GLUD1: variants seen among roughly 807,000 people sequenced by gnomAD.
GLUD1 encodes glutamate dehydrogenase 1, mitochondrial.
A neutral mutation model predicts 56.0 loss-of-function variants in GLUD1; 22 were observed. The ratio of observed to expected loss-of-function variants is 0.39; its 90% CI spans 0.28 to 0.56. GLUD1 has a LOEUF of 0.56. Among genes scored for constraint, GLUD1 ranks in the 20% least tolerant of loss-of-function variants. The pLI, the probability that GLUD1 is intolerant of heterozygous loss-of-function variation, is 0.58. For synonymous variants in GLUD1, 223 were observed against 269.9 expected, an observed-to-expected ratio of 0.83 and a Z score of 1.70; for missense variants, 451 against 732.0, an observed-to-expected ratio of 0.62 and a Z score of 4.43.
intron 5 of GLUD1, chr10:87,067,858 G>C: frequency 1.8e-6 from 1 of 550,830 alleles, no homozygotes; most frequent in Non-Finnish European, 3.3e-6. Flanking sequence ...CCAGTGACAA[G>C]TATAGGGCAG....
intron 1 of GLUD1, among the ~76,000 whole-genome samples, chr10:87,081,538 G>T (rs1459189156): frequency 2.6e-5 from 4 of 152,152 alleles, no homozygotes; most frequent in South Asian, 4.1e-4. Context: ...TGAGAAATCG[G>T]ATGGTTGCCG....
At chr10:87,062,074 G>A (rs1037149490) in intron 6 of GLUD1, among the ~76,000 whole-genome samples, 5 of 152,134 alleles carry the variant, frequency 3.3e-5, no homozygotes, top group Non-Finnish European at 5.9e-5. Context: ...GAGCCACCAC[G>A]CCCGGCTTAA....
At chr10:87,056,115 CA>C (rs201114912) in intron 11 of GLUD1, among the ~76,000 whole-genome samples, 4,282 of 62,476 alleles carry the variant, frequency 0.069, 2 homozygotes, top group African/African-American at 0.22. Context: ...GACTCTGTCT[CA>C]AAAAAAAAAA....
chr10:87,080,155 G>A (rs1241012813), intron 1 of GLUD1, among the ~76,000 whole-genome samples: 1 of 152,006 alleles, frequency 6.6e-6, no homozygotes, highest in Admixed American at 6.5e-5. Context: ...GGCCGGGCTG[G>A]TCTCCAGCTC....
Position 87,057,784 on chromosome 10 carries a change from T to C in GLUD1, c.1403-2A>G. 1 of 1,336,174 alleles carries C rather than the reference T, an allele frequency of 7.5e-7. No individual in the cohort carries two copies. Among genetic ancestry groups the C allele is most frequent in the Non-Finnish European group, 1.1e-6 (1 of 942,738 alleles). The allele number at this position is 1,336,174 out of a possible 1,614,324, so 82.8% of individuals were successfully genotyped here. On this transcript the variant is annotated splice_acceptor_variant, in intron 10 of 12. Coordinates refer to ENST00000277865, the MANE Select transcript of GLUD1 (RefSeq NM_005271.5). LOFTEE classifies it high-confidence loss of function. ...TTTCTAAACTCTCTTGAACAGACACTACAAAAAAATAACAAGAGATCAAGA... is the reference window on the plus strand; with the variant it reads ...TTTCTAAACTCTCTTGAACAGACACCACAAAAAAATAACAAGAGATCAAGA...
intron 10 of GLUD1, 34 bp downstream of exon 10, chr10:87,059,116 A>C (rs1403602863): frequency 6.2e-7 from 1 of 1,611,544 alleles, no homozygotes; most frequent in African/African-American, 1.3e-5. Flanking sequence ...GGCTCAAAAG[A>C]TGAGTTTTGG....
At chr10:87,056,214 A>G (rs1395326771) in intron 11 of GLUD1, among the ~76,000 whole-genome samples, 1 of 150,870 alleles carries the variant, frequency 6.6e-6, no homozygotes, top group Admixed American at 6.6e-5. Context: ...CCTAAGATGT[A>G]TTATAAGATA....
At chr10:87,055,516 A>G (rs1589352088) in intron 11 of GLUD1, among the ~76,000 whole-genome samples, 1 of 152,214 alleles carries the variant, frequency 6.6e-6, no homozygotes, top group African/African-American at 2.4e-5. Context: ...GTAGCAGCGC[A>G]AGTCCTTCCG....
At chr10:87,082,299 G>A (rs1470140808) in intron 1 of GLUD1, among the ~76,000 whole-genome samples, 1 of 152,206 alleles carries the variant, frequency 6.6e-6, no homozygotes, top group Non-Finnish European at 1.5e-5. Context: ...CATAAGTCAT[G>A]GAATGACATG....
chr10:87,066,367 CTG>C (rs368747453), intron 5 of GLUD1, among the ~76,000 whole-genome samples: 39 of 152,262 alleles, frequency 2.6e-4, no homozygotes, highest in African/African-American at 9.1e-4. Flanking sequence ...TGCTGTTTCC[CTG>C]TGTTTTCAGG....
intron 1 of GLUD1, among the ~76,000 whole-genome samples, chr10:87,091,915 TAAG>T (rs1043161186): frequency 6.6e-6 from 1 of 151,358 alleles, no homozygotes; most frequent in Admixed American, 6.6e-5. Flanking sequence ...TGGGGAGAGG[TAAG>T]AAGAACGTGT....
intron 1 of GLUD1, among the ~76,000 whole-genome samples, chr10:87,078,789 A>C (rs1022593395): frequency 6.6e-6 from 1 of 152,196 alleles, no homozygotes; most frequent in Non-Finnish European, 1.5e-5. Context: ...CTCAATTAGA[A>C]GGAATAAGTT....
chr10:87,073,537 G>A (rs142097173), intron 4 of GLUD1, among the ~76,000 whole-genome samples: 1 of 149,194 alleles, frequency 6.7e-6, no homozygotes, highest in Non-Finnish European at 1.5e-5. Context: ...TTCTATTTAA[G>A]TAGACCTTAT....
rs559074784 is a variant in GLUD1, at chr10:87,081,537, G to A, written c.446-4881C>T. On this transcript the variant is annotated intron_variant, in intron 1 of 12. Coordinates refer to ENST00000277865, the MANE Select transcript of GLUD1 (RefSeq NM_005271.5). The stretch of plus-strand genomic sequence containing the variant: ...AAGGTGGGGAAAAGATTGAGAAATC[G>A]GATGGTTGCCGTGTCTGTGTGGAAA... Among the ~76,000 whole-genome samples, 615 of 152,170 alleles carry A rather than the reference G, an allele frequency of 4.0e-3. 3 individuals carry two copies. Among genetic ancestry groups the A allele is most frequent in the African/African-American group, 0.013 (547 of 41,514 alleles).
chr10:87,091,865 T>C (rs1192902018), intron 1 of GLUD1, among the ~76,000 whole-genome samples: 2 of 152,028 alleles, frequency 1.3e-5, no homozygotes, highest in African/African-American at 4.8e-5. Context: ...ATGAGGTTTT[T>C]TTTTTTGGCA....
chr10:87,063,096 G>A lies in GLUD1; in HGVS notation c.742-261C>T, dbSNP rs569765482. Among the ~76,000 whole-genome samples, 148 of 149,640 alleles carry A rather than the reference G, an allele frequency of 9.9e-4. 1 individual carries two copies. The highest frequency in any genetic ancestry group is 1.6e-3 in the Non-Finnish European group (106 of 67,656). On this transcript the variant is annotated intron_variant, in intron 5 of 12. Transcript: ENST00000277865. Reference sequence around the variant, plus strand: ...TTGTTTGTTTGTTTGTTTTTGAGACGGAGTTTCACTCTTGTTGCTCAGGCT... The same window carrying A: ...TTGTTTGTTTGTTTGTTTTTGAGACAGAGTTTCACTCTTGTTGCTCAGGCT...
intron 4 of GLUD1, among the ~76,000 whole-genome samples, chr10:87,070,021 C>T (rs190473733): frequency 7.6e-4 from 116 of 152,370 alleles, no homozygotes; most frequent in Admixed American, 2.6e-3. Context: ...CATACCTCTG[C>T]TGGAGGTCAG....
chr10:87,063,947 C>T (rs1846003800), intron 5 of GLUD1, among the ~76,000 whole-genome samples: 1 of 151,656 alleles, frequency 6.6e-6, no homozygotes, highest in Admixed American at 6.6e-5. Context: ...GGCGCAATTT[C>T]GGCTCACTGC....
Position 87,051,889 on chromosome 10 carries a change from T to C in GLUD1, c.1558-19A>G. 6.2e-7 allele frequency: 1 copy of C among 1,614,016 alleles called. No homozygotes were observed. The highest frequency in any genetic ancestry group is 8.5e-7 in the Non-Finnish European group (1 of 1,179,938). ...TAATTTGCTGAAATGAAAGAGAAAA[T>C]GCAGTGAAGATGATCCTGACTCAAG... On this transcript the variant is annotated intron_variant, in intron 12 of 12. Coordinates refer to ENST00000277865, the MANE Select transcript of GLUD1 (RefSeq NM_005271.5).
Sources: allele counts gnomAD v4.1 joint callset (sites outside exome capture counted in the v4.1 genomes callset), GRCh38; gene constraint gnomAD v4.1.1; transcripts MANE v1.5; gene names NCBI Gene and HGNC (gene_info 2026-07-23, HGNC 2026-07-21).